PXDNL: variants seen among roughly 807,000 people sequenced by gnomAD.
PXDNL encodes peroxidasin like, also known as probable oxidoreductase PXDNL.
Under a neutral mutation model 150.8 loss-of-function variants are expected in PXDNL, and 145 were observed. The ratio of observed to expected loss-of-function variants is 0.96; its 90% CI spans 0.84 to 1.10. The LOEUF is 1.10. PXDNL is among the 50% of genes least tolerant of loss of function. PXDNL has a pLI of 0.00. For missense variants in PXDNL, 2,087 were observed against 1,873.9 expected (o/e 1.11, Z -2.10); for synonymous variants, 757 against 725.7 (o/e 1.04, Z -0.69).
chr8:51,351,579 C>T (rs1218689136), intron 19 of PXDNL, among the ~76,000 whole-genome samples: 3 of 152,194 alleles, frequency 2.0e-5, no homozygotes, highest in Non-Finnish European at 4.4e-5. Context: ...TTTGCTGTCT[C>T]GTTTGTGGTG....
rs115391761 is a variant in PXDNL at position 51,329,069 on chromosome 8, C to T, written c.4147-8172G>A. Among the ~76,000 whole-genome samples the T allele has an allele frequency of 3.9e-3, 598 of 152,220 alleles. 5 individuals are homozygous for T. The highest frequency in any genetic ancestry group is 0.014 in the African/African-American group (563 of 41,518). On this transcript the variant is annotated intron_variant, in intron 21 of 22. Transcript: ENST00000356297. ...TGAAATCAATTAGCTGCACACCAGC[C>T]AGGGAAAGGAGTAGGAGGTGGAGAA...
chr8:51,643,915 T>C (rs1002555008), intron 2 of PXDNL, among the ~76,000 whole-genome samples: 2 of 152,084 alleles, frequency 1.3e-5, no homozygotes, highest in African/African-American at 4.8e-5. Flanking sequence ...AAGACAATTA[T>C]GCAGCCAACA....
intron 1 of PXDNL, among the ~76,000 whole-genome samples, chr8:51,802,443 A>T (rs1199914913): frequency 6.6e-6 from 1 of 152,188 alleles, no homozygotes; most frequent in African/African-American, 2.4e-5. Flanking sequence ...GCAAATTCGT[A>T]AACTTTCTTG....
At chr8:51,323,512 C>G (rs148936952) in intron 21 of PXDNL, among the ~76,000 whole-genome samples, 1 of 152,274 alleles carries the variant, frequency 6.6e-6, no homozygotes, top group Non-Finnish European at 1.5e-5. Context: ...TGATCCTAAA[C>G]TCCTGGGCTC....
chr8:51,465,428 A>G (rs1262629170), intron 8 of PXDNL, among the ~76,000 whole-genome samples: 1 of 152,198 alleles, frequency 6.6e-6, no homozygotes, highest in Non-Finnish European at 1.5e-5. Context: ...GCCATCAATT[A>G]CAAACCCACA....
At chr8:51,370,731 C>T (rs925325154) in intron 19 of PXDNL, among the ~76,000 whole-genome samples, 4 of 152,152 alleles carry the variant, frequency 2.6e-5, no homozygotes, top group African/African-American at 7.2e-5. Context: ...CAAGTAGCTA[C>T]GATTACAGGT....
At chr8:51,720,271 GA>G (rs1389853663) in intron 1 of PXDNL, among the ~76,000 whole-genome samples, 2 of 149,894 alleles carry the variant, frequency 1.3e-5, no homozygotes, top group Admixed American at 6.6e-5. Context: ...CAACTTATGT[GA>G]CATATTATCC....
chr8:51,344,357 T>C (rs1000483457), intron 20 of PXDNL, among the ~76,000 whole-genome samples: 29 of 152,200 alleles, frequency 1.9e-4, no homozygotes, highest in African/African-American at 6.3e-4. Flanking sequence ...TGGCTTCAGG[T>C]GATGCTCCCA....
intron 2 of PXDNL, among the ~76,000 whole-genome samples, chr8:51,649,605 TC>T (rs1246999593): frequency 1.3e-5 from 2 of 152,114 alleles, no homozygotes; most frequent in Admixed American, 6.5e-5. Flanking sequence ...AAAGAGAAAA[TC>T]CCCTTATAAT....
At chr8:51,624,811 C>A (rs1042819333) in intron 2 of PXDNL, among the ~76,000 whole-genome samples, 3 of 151,386 alleles carry the variant, frequency 2.0e-5, no homozygotes, top group African/African-American at 7.3e-5. Flanking sequence ...GGTGTCATAT[C>A]AAACATGAAT....
rs146743230 is a variant in PXDNL, at chr8:51,756,919, T to C, written c.164+52262A>G. On this transcript the variant is annotated intron_variant, in intron 1 of 22. Transcript: ENST00000356297. ...TGGATAGTCAGTGTCAAAAGAAGCA[T>C]CATTATGTTTGGCTAAAAAGTGGAT... 7.6e-3 allele frequency among the ~76,000 whole-genome samples: 1,157 copies of C among 152,348 alleles called. 54 individuals are homozygous for C. The highest frequency in any genetic ancestry group is 0.066 in the Admixed American group (1,017 of 15,308).
chr8:51,445,248 C>T (rs746931722), intron 12 of PXDNL, among the ~76,000 whole-genome samples: 18 of 152,016 alleles, frequency 1.2e-4, no homozygotes, highest in Non-Finnish European at 2.1e-4. Context: ...TCTGAATAAT[C>T]GATCTGATCA....
intron 1 of PXDNL, among the ~76,000 whole-genome samples, chr8:51,719,410 G>C (rs1022528480): frequency 2.0e-5 from 3 of 152,136 alleles, no homozygotes; most frequent in African/African-American, 7.2e-5. Context: ...GGCGGTGCAA[G>C]ATGTGCTTTG....
chr8:51,582,000 G>C (rs910739840), intron 3 of PXDNL, among the ~76,000 whole-genome samples: 1 of 151,562 alleles, frequency 6.6e-6, no homozygotes. Context: ...TTTTTTTAAA[G>C]CAGGCTACAA....
At chr8:51,543,401 A>C (rs1410101673) in intron 4 of PXDNL, among the ~76,000 whole-genome samples, 1 of 152,224 alleles carries the variant, frequency 6.6e-6, no homozygotes, top group Non-Finnish European at 1.5e-5. Context: ...CTTAGAAATA[A>C]GTAAACAGGT....
intron 4 of PXDNL, among the ~76,000 whole-genome samples, chr8:51,505,298 A>G (rs1246916756): frequency 6.6e-6 from 1 of 151,542 alleles, no homozygotes; most frequent in East Asian, 1.9e-4. Context: ...AACAAAAATA[A>G]TAGAGAGAGA....
intron 16 of PXDNL, among the ~76,000 whole-genome samples, chr8:51,410,726 T>G (rs1317356637): frequency 2.0e-5 from 3 of 152,252 alleles, no homozygotes; most frequent in Non-Finnish European, 2.9e-5. Flanking sequence ...TCATCTCATT[T>G]GACATCTACT....
At chr8:51,591,244 A>G (rs1813436561) in intron 3 of PXDNL, among the ~76,000 whole-genome samples, 1 of 152,190 alleles carries the variant, frequency 6.6e-6, no homozygotes, top group Admixed American at 6.5e-5. Flanking sequence ...TTAATTACCT[A>G]GTCTGTGGTA....
In PXDNL at chr8:51,408,580, C is replaced by G. The variant is rs769611427; in HGVS notation, c.3044G>C (p.Ser1015Thr). The change falls in exon 17 of 23, where the codon AGC becomes ACC. Residue 1015 changes from serine to threonine, a missense_variant. Physicochemically the swap from Ser to Thr is moderately conservative, Grantham distance 58. Coordinates refer to ENST00000356297, the MANE Select transcript of PXDNL (RefSeq NM_144651.5). Reference protein sequence around the residue: ...VGAELQHITYSHWLPKVLGDP... With the variant: ...VGAELQHITYTHWLPKVLGDP... The stretch of plus-strand genomic sequence containing the variant: ...CCCCAGGACCTTAGGCAGCCAGTGG[C>G]TGTAGGTGATGTGCTGCAGCTCCGC... 6 of 1,612,674 alleles carry G rather than the reference C, an allele frequency of 3.7e-6. No individual in the cohort carries two copies. The Middle Eastern group carries it at 6.6e-4, about 177-fold the overall frequency.
Sources: gnomAD v4.1 joint callset for allele counts (sites outside exome capture counted in the v4.1 genomes callset) on GRCh38, gnomAD v4.1.1 for gene constraint, MANE v1.5 for transcripts, NCBI Gene and HGNC (gene_info 2026-07-23, HGNC 2026-07-21) for gene names.